The following CASD1 variants were observed in gnomAD, a reference collection of about 807,000 sequenced individuals.
CASD1 encodes the protein N-acetylneuraminate (7)9-O-acetyltransferase.
CASD1 carries 41 observed loss-of-function variants against 100.0 expected under a neutral mutation model. The observed-to-expected ratio is 0.41, with a 90% CI of 0.32 to 0.53. The LOEUF is 0.53. Among genes scored for constraint, CASD1 ranks in the 20% least tolerant of loss-of-function variants. The probability of loss-of-function intolerance (pLI) is 0.25; values close to 1 mark genes in which losing one functional copy is unlikely to be tolerated. For synonymous variants in CASD1, 321 were observed against 315.6 expected, an observed-to-expected ratio of 1.02 and a Z score of -0.18; for missense variants, 774 against 948.7, an observed-to-expected ratio of 0.82 and a Z score of 2.42.
intron 10 of CASD1, among the ~76,000 whole-genome samples, chr7:94,542,833 G>T (rs1795480395): frequency 6.6e-6 from 1 of 152,138 alleles, no homozygotes; most frequent in Non-Finnish European, 1.5e-5. Context: ...TACATTTCCT[G>T]CCTCCATCCT....
chr7:94,607,135 T>C, the CASD1 span, among the ~76,000 whole-genome samples: 2 of 152,046 alleles, frequency 1.3e-5, no homozygotes, highest in Non-Finnish European at 2.9e-5. Context: ...CTATATGTAG[T>C]AAGGAAATTG....
intron 3 of CASD1, among the ~76,000 whole-genome samples, chr7:94,522,824 A>T (rs1164403679): frequency 6.6e-6 from 1 of 151,698 alleles, no homozygotes; most frequent in Admixed American, 6.6e-5. Context: ...CGCCCAGCTA[A>T]TTTTGTTTTT....
At chr7:94,561,122 C>A (rs2116460033), downstream of CASD1, among the ~76,000 whole-genome samples, 1 of 152,188 alleles carries the variant, frequency 6.6e-6, no homozygotes, top group South Asian at 2.1e-4. Context: ...TGGTGGGGGC[C>A]TGTAATTCCA....
intron 10 of CASD1, among the ~76,000 whole-genome samples, chr7:94,539,969 C>A (rs986903235): frequency 6.6e-6 from 1 of 152,008 alleles, no homozygotes; most frequent in African/African-American, 2.4e-5. Flanking sequence ...TGTGGAAGAC[C>A]CTTCCTTTGA....
chr7:94,512,691 C>T (rs1323651265), intron 1 of CASD1, among the ~76,000 whole-genome samples: 1 of 152,200 alleles, frequency 6.6e-6, no homozygotes. Context: ...TTTCACTCCT[C>T]TCCACTATTT....
At chr7:94,559,740 G>A (rs1005722992), downstream of CASD1, among the ~76,000 whole-genome samples, 1 of 152,090 alleles carries the variant, frequency 6.6e-6, no homozygotes, top group Admixed American at 6.6e-5. Context: ...TGGCCAGGCT[G>A]TTGTCGAATT....
the CASD1 span, chr7:94,590,515 T>A: frequency 6.6e-6 from 1 of 152,224 alleles, no homozygotes; most frequent in South Asian, 2.1e-4. Flanking sequence ...TAGTTTCACA[T>A]ATTGATACTA....
At chr7:94,532,999 A>G (rs1397942802) in intron 5 of CASD1, among the ~76,000 whole-genome samples, 1 of 152,156 alleles carries the variant, frequency 6.6e-6, no homozygotes, top group Non-Finnish European at 1.5e-5. Context: ...CTGTGTGTAT[A>G]TGTAGCGTTA....
At chr7:94,629,992 A>G in the CASD1 span, 1 of 833,018 alleles carries the variant, frequency 1.2e-6, no homozygotes, top group South Asian at 1.8e-5. Flanking sequence ...GTTAATAACA[A>G]TTTGTTTTAA....
chr7:94,554,962 C>G lies in CASD1; in HGVS notation c.2127+387C>G, dbSNP rs369485335. ...CATAATTAAATATATTACTGGAATTCAGTTTATTGATGCATACCATAATAA... is the reference window on the plus strand; with the variant it reads ...CATAATTAAATATATTACTGGAATTGAGTTTATTGATGCATACCATAATAA... On this transcript the variant is annotated intron_variant, in intron 17 of 17. Coordinates refer to ENST00000297273, the MANE Select transcript of CASD1 (RefSeq NM_022900.5). 2.6e-4 allele frequency among the ~76,000 whole-genome samples: 40 copies of G among 152,018 alleles called. No homozygotes were observed. The South Asian group carries it at 8.1e-3, about 31-fold the overall frequency.
intron 5 of CASD1, among the ~76,000 whole-genome samples, chr7:94,531,932 G>GTTCCC (rs1294856575): frequency 1.3e-5 from 2 of 152,022 alleles, no homozygotes; most frequent in African/African-American, 4.8e-5. Context: ...TTTTATAAGA[G>GTTCCC]ATGTATAATA....
At chr7:94,522,996 C>T (rs533577963) in intron 3 of CASD1, among the ~76,000 whole-genome samples, 9 of 152,282 alleles carry the variant, frequency 5.9e-5, no homozygotes, top group African/African-American at 2.2e-4. Flanking sequence ...CACCATTAAG[C>T]AAGTTCCAAC....
intron 3 of CASD1, among the ~76,000 whole-genome samples, chr7:94,523,810 C>G (rs1794408337): frequency 6.6e-6 from 1 of 152,058 alleles, no homozygotes; most frequent in African/African-American, 2.4e-5. Context: ...TTAATTTTAC[C>G]TTGTAGTAAT....
the CASD1 span, among the ~76,000 whole-genome samples, chr7:94,578,977 ACTT>A: frequency 6.6e-6 from 1 of 151,884 alleles, no homozygotes; most frequent in African/African-American, 2.4e-5. Flanking sequence ...CTATTACAAC[ACTT>A]TTTTTTAACC....
At chr7:94,570,112 C>G in the CASD1 span, among the ~76,000 whole-genome samples, 1 of 152,098 alleles carries the variant, frequency 6.6e-6, no homozygotes, top group African/African-American at 2.4e-5. Context: ...CGCACCTGGC[C>G]CAATCTCTGA....
intron 10 of CASD1, among the ~76,000 whole-genome samples, chr7:94,543,658 A>G (rs1162406211): frequency 1.3e-5 from 2 of 152,090 alleles, no homozygotes; most frequent in African/African-American, 4.8e-5. Context: ...GTCTCCAAAA[A>G]AAAAAAAAGG....
the CASD1 span, among the ~76,000 whole-genome samples, chr7:94,631,645 G>C: frequency 6.6e-6 from 1 of 151,944 alleles, no homozygotes; most frequent in African/African-American, 2.4e-5. Flanking sequence ...ACTGGATACT[G>C]TGGGGGCCTT....
Position 94,515,889 on chromosome 7 carries a change from T to C in CASD1, c.134-1671T>C, listed in dbSNP as rs77630720. On this transcript the variant is annotated intron_variant, in intron 1 of 17. Coordinates refer to ENST00000297273, the MANE Select transcript of CASD1 (RefSeq NM_022900.5). ...GATTTAAAGAGAAATGCTATAAATA[T>C]GGAATTTTCACCTTAATTTTAAACA... Among the ~76,000 whole-genome samples, 8 of 152,286 alleles carry C rather than the reference T, an allele frequency of 5.3e-5. No individual in the cohort carries two copies. In the East Asian group the frequency reaches 1.5e-3, roughly 29 times the overall value.
chr7:94,629,770 C>T, the CASD1 span: 1 of 1,611,226 alleles, frequency 6.2e-7, no homozygotes, highest in Non-Finnish European at 8.5e-7. Context: ...CTTTCCAAAA[C>T]ATGAACAAAG....
Sources: allele counts gnomAD v4.1 joint callset (sites outside exome capture counted in the v4.1 genomes callset), GRCh38; gene constraint gnomAD v4.1.1; transcripts MANE v1.5; gene names NCBI Gene and HGNC (gene_info 2026-07-23, HGNC 2026-07-21).